KMT2C: variants seen among roughly 807,000 people sequenced by gnomAD.
The protein encoded by KMT2C is histone-lysine N-methyltransferase 2C.
In KMT2C, 88 loss-of-function variants were observed where a neutral mutation model predicts 507.9. The observed-to-expected ratio is 0.17, with a 90% CI of 0.15 to 0.21. The LOEUF (loss-of-function observed/expected upper bound fraction) is 0.21, where lower values mean the gene tolerates loss of function less well. Ranked by LOEUF, KMT2C falls within the 10% of genes least tolerant of loss-of-function variation. The pLI, the probability that KMT2C is intolerant of heterozygous loss-of-function variation, is 1.00. For missense variants in KMT2C, 4,954 were observed against 5,957.8 expected (o/e 0.83, Z 5.55); for synonymous variants, 2,049 against 2,080.8 (o/e 0.98, Z 0.42).
intron 42 of KMT2C, among the ~76,000 whole-genome samples, chr7:152,166,288 A>ATT (rs1439102746): frequency 6.6e-6 from 1 of 151,726 alleles, no homozygotes; most frequent in Non-Finnish European, 1.5e-5. Flanking sequence ...TACTTAGCTA[A>ATT]TTTTTGTATT....
At chr7:152,390,011 T>G (rs1198883534) in intron 1 of KMT2C, among the ~76,000 whole-genome samples, 3 of 152,152 alleles carry the variant, frequency 2.0e-5, no homozygotes, top group Non-Finnish European at 4.4e-5. Context: ...AGCTAAACAA[T>G]GAGTACATGT....
At chr7:152,378,873 G>C (rs1191232237) in intron 1 of KMT2C, among the ~76,000 whole-genome samples, 1 of 152,100 alleles carries the variant, frequency 6.6e-6, no homozygotes, top group Non-Finnish European at 1.5e-5. Context: ...TAATTTTTCT[G>C]TACTCTATTT....
intron 1 of KMT2C, among the ~76,000 whole-genome samples, chr7:152,366,060 G>C (rs537222697): frequency 5.3e-5 from 8 of 152,130 alleles, no homozygotes; most frequent in Non-Finnish European, 1.0e-4. Context: ...ACACCCATTA[G>C]GATGGCTACT....
chr7:152,290,271 TATATATATATATA>T (rs2096395014), intron 6 of KMT2C, among the ~76,000 whole-genome samples: 1 of 30,012 alleles, frequency 3.3e-5, no homozygotes, highest in Non-Finnish European at 6.3e-5. Context: ...TATATATATA[TATATATATATATA>T]TATATATATA....
intron 6 of KMT2C, among the ~76,000 whole-genome samples, chr7:152,294,271 G>T (rs2096466067): frequency 6.6e-6 from 1 of 152,164 alleles, no homozygotes; most frequent in Admixed American, 6.5e-5. Flanking sequence ...ACATTGTGAT[G>T]AAATAATCCA....
At chr7:152,277,235 C>T (rs2096097754) in intron 6 of KMT2C, among the ~76,000 whole-genome samples, 1 of 152,120 alleles carries the variant, frequency 6.6e-6, no homozygotes, top group Non-Finnish European at 1.5e-5. Context: ...CCCCATGCTC[C>T]AAATTTGTTT....
chr7:152,184,072 CAAAAAAAAA>C (rs555445009), intron 34 of KMT2C, among the ~76,000 whole-genome samples: 1 of 49,434 alleles, frequency 2.0e-5, no homozygotes, highest in Non-Finnish European at 3.8e-5. Context: ...AGCTCCATCT[CAAAAAAAAA>C]AAAAAAAAAA....
At chr7:152,386,650 T>C in intron 1 of KMT2C, among the ~76,000 whole-genome samples, 1 of 152,310 alleles carries the variant, frequency 6.6e-6, no homozygotes, top group Non-Finnish European at 1.5e-5. Flanking sequence ...TGGACATCAA[T>C]GCCTAGGGCA....
intron 3 of KMT2C, among the ~76,000 whole-genome samples, chr7:152,326,880 C>CA (rs1019890291): frequency 7.3e-5 from 11 of 150,938 alleles, no homozygotes; most frequent in South Asian, 2.1e-4. Context: ...GACTCTGTCT[C>CA]AAAAAAAATA....
chr7:152,393,595 C>G (rs2097517285), intron 1 of KMT2C, among the ~76,000 whole-genome samples: 3 of 152,068 alleles, frequency 2.0e-5, no homozygotes, highest in Non-Finnish European at 4.4e-5. Flanking sequence ...GGATGGATAC[C>G]AATCACGGCT....
At chr7:152,374,807 C>G (rs1267610619) in intron 1 of KMT2C, among the ~76,000 whole-genome samples, 6 of 150,010 alleles carry the variant, frequency 4.0e-5, no homozygotes, top group Non-Finnish European at 7.4e-5. Flanking sequence ...GGCTTGAACC[C>G]GAGAGGCGGA....
intron 8 of KMT2C, among the ~76,000 whole-genome samples, chr7:152,263,720 T>G (rs906303840): frequency 6.6e-6 from 1 of 152,188 alleles, no homozygotes; most frequent in African/African-American, 2.4e-5. Flanking sequence ...AATAATTATT[T>G]CAAAATACGA....
intron 1 of KMT2C, among the ~76,000 whole-genome samples, chr7:152,412,861 C>G (rs1589847860): frequency 6.6e-6 from 1 of 152,274 alleles, no homozygotes; most frequent in South Asian, 2.1e-4. Flanking sequence ...TAAAATCTTA[C>G]CAACTCAGAA....
At chr7:152,372,941 G>A (rs1302870400) in intron 1 of KMT2C, among the ~76,000 whole-genome samples, 2 of 152,158 alleles carry the variant, frequency 1.3e-5, no homozygotes, top group Non-Finnish European at 2.9e-5. Flanking sequence ...TATTCTCCAG[G>A]ATAGATCATA....
chr7:152,192,308 T>C (rs574879250), intron 31 of KMT2C, among the ~76,000 whole-genome samples: 1 of 151,936 alleles, frequency 6.6e-6, no homozygotes, highest in African/African-American at 2.4e-5. Flanking sequence ...TTTGGGAGGC[T>C]GAGGCAGATG....
At chr7:152,321,460 A>G (rs1275457311) in intron 3 of KMT2C, among the ~76,000 whole-genome samples, 1 of 151,814 alleles carries the variant, frequency 6.6e-6, no homozygotes, top group Non-Finnish European at 1.5e-5. Flanking sequence ...GGATCCCAGT[A>G]GGAAAGGAAG....
At chr7:152,307,281 G>T (rs1464578912) in intron 6 of KMT2C, among the ~76,000 whole-genome samples, 2 of 127,848 alleles carry the variant, frequency 1.6e-5, no homozygotes, top group Non-Finnish European at 3.3e-5. Flanking sequence ...AAGAAAGAAA[G>T]GAAGGAAGGA....
intron 2 of KMT2C, among the ~76,000 whole-genome samples, chr7:152,352,014 A>G (rs1000048482): frequency 6.6e-6 from 1 of 152,226 alleles, no homozygotes; most frequent in Non-Finnish European, 1.5e-5. Context: ...ACCGCTGGTG[A>G]GCCGGGCAGA....
chr7:152,229,762 TGA>T (rs1275640308), intron 18 of KMT2C, among the ~76,000 whole-genome samples, 159 bp downstream of exon 18: 1 of 152,280 alleles, frequency 6.6e-6, no homozygotes, highest in Non-Finnish European at 1.5e-5. Flanking sequence ...GCAAATTTCT[TGA>T]GATAGGAAAC....
Sources: gnomAD v4.1 joint callset for allele counts (sites outside exome capture counted in the v4.1 genomes callset) on GRCh38, gnomAD v4.1.1 for gene constraint, MANE v1.5 for transcripts, NCBI Gene and HGNC (gene_info 2026-07-23, HGNC 2026-07-21) for gene names.